The following SLC25A51 variants were observed in gnomAD, a reference collection of about 807,000 sequenced individuals.
The protein encoded by SLC25A51 is mitochondrial nicotinamide adenine dinucleotide transporter SLC25A51.
Under a neutral mutation model 19.1 loss-of-function variants are expected in SLC25A51, and 11 were observed. The observed-to-expected ratio is 0.58, with a 90% CI of 0.36 to 0.96. SLC25A51 has a LOEUF of 0.96. Ranked by LOEUF, SLC25A51 falls within the 40% of genes least tolerant of loss-of-function variation. The pLI, the probability that SLC25A51 is intolerant of heterozygous loss-of-function variation, is 0.01. For synonymous variants in SLC25A51, 105 were observed against 133.6 expected, an observed-to-expected ratio of 0.79 and a Z score of 1.47; for missense variants, 201 against 365.4, an observed-to-expected ratio of 0.55 and a Z score of 3.67.
downstream of SLC25A51, chr9:37,885,654 GA>G: frequency 1.0e-6 from 1 of 975,030 alleles, no homozygotes; most frequent in Non-Finnish European, 1.7e-6. Flanking sequence ...AGAAGACTCG[GA>G]ACCCCAAAGG....
chr9:37,895,470 G>T (rs1303683232), intron 2 of SLC25A51, among the ~76,000 whole-genome samples: 1 of 151,944 alleles, frequency 6.6e-6, no homozygotes, highest in Non-Finnish European at 1.5e-5. Context: ...AAAGTGCTGG[G>T]ATTGTAAGGA....
downstream of SLC25A51, chr9:37,887,573 TAAAA>T: frequency 1.2e-5 from 15 of 1,294,830 alleles, no homozygotes; most frequent in Non-Finnish European, 1.4e-5. Context: ...GGATTTCCTT[TAAAA>T]AAAAAAAAAA....
chr9:37,880,348 T>C (rs920213733), exon 4 of SLC25A51: 3 of 151,932 alleles, frequency 2.0e-5, no homozygotes, highest in African/African-American at 7.3e-5. Flanking sequence ...GAAGAATAGA[T>C]TGAAGGGAGA....
rs981559740 is a variant in SLC25A51, at chr9:37,898,981, CCTA to C, written c.-43+845_-43+847del. ...ATATTTAAGAGTACAGCCTCTGGAA[CCTA>C]CTAATTACCTACTTAAATCCTAGCT... On this transcript the variant is annotated intron_variant, in intron 2 of 2. Transcript: ENST00000242275. 4.9e-4 allele frequency among the ~76,000 whole-genome samples: 75 copies of C among 152,274 alleles called. 1 individual carries two copies. The highest frequency in any genetic ancestry group is 1.7e-3 in the African/African-American group (70 of 41,538).
chr9:37,886,420 T>A, downstream of SLC25A51: 1 of 1,557,418 alleles, frequency 6.4e-7, no homozygotes, highest in South Asian at 1.3e-5. Flanking sequence ...CTTCCTCTCC[T>A]GTCAATTCCA....
intron 2 of SLC25A51, among the ~76,000 whole-genome samples, chr9:37,889,758 G>A (rs1179892036): frequency 6.7e-6 from 1 of 148,324 alleles, no homozygotes; most frequent in East Asian, 2.0e-4. Context: ...GAAAATGATT[G>A]GAACTAAGCC....
chr9:37,894,239 A>G (rs944776847), intron 2 of SLC25A51, among the ~76,000 whole-genome samples: 10 of 152,240 alleles, frequency 6.6e-5, no homozygotes, highest in African/African-American at 1.9e-4. Context: ...TGGGTATACA[A>G]AAGATATACA....
chr9:37,900,684 TG>T (rs1831828169), intron 1 of SLC25A51, among the ~76,000 whole-genome samples: 1 of 150,802 alleles, frequency 6.6e-6, no homozygotes, highest in African/African-American at 2.4e-5. Context: ...CCCAAAGTGC[TG>T]GGATTTACAA....
downstream of SLC25A51, among the ~76,000 whole-genome samples, chr9:37,877,774 G>A (rs1375400405): frequency 1.3e-5 from 2 of 152,148 alleles, no homozygotes; most frequent in African/African-American, 4.8e-5. Flanking sequence ...TTGGGAGGCT[G>A]AGGTGGGTGG....
At chr9:37,885,622 C>T (rs912707801), downstream of SLC25A51, 50 of 778,558 alleles carry the variant, frequency 6.4e-5, no homozygotes, top group South Asian at 3.8e-4. Flanking sequence ...AACAATAATA[C>T]GGCGCCCAAC....
downstream of SLC25A51, chr9:37,885,622 C>A: frequency 1.3e-6 from 1 of 778,658 alleles, no homozygotes; most frequent in East Asian, 2.4e-5. Flanking sequence ...AACAATAATA[C>A]GGCGCCCAAC....
chr9:37,893,502 C>T (rs1267285392), intron 2 of SLC25A51, among the ~76,000 whole-genome samples: 2 of 152,208 alleles, frequency 1.3e-5, no homozygotes, highest in Admixed American at 6.5e-5. Context: ...ATCCAGAGAG[C>T]TGGGCAGTGT....
At chr9:37,887,573 T>TAA (rs371359761), downstream of SLC25A51, 23,367 of 1,280,372 alleles carry the variant, frequency 0.018, 2 homozygotes, top group South Asian at 0.021. Context: ...GGATTTCCTT[T>TAA]AAAAAAAAAA....
At chr9:37,892,742 T>TG (rs1420794256) in intron 2 of SLC25A51, among the ~76,000 whole-genome samples, 2 of 148,344 alleles carry the variant, frequency 1.3e-5, no homozygotes, top group African/African-American at 2.5e-5. Flanking sequence ...CCTGGTTAAT[T>TG]TTTTTTTTTT....
At position 37,899,262 on chromosome 9, in the gene SLC25A51, G is replaced by A. The variant is rs576955291; in HGVS notation, c.-43+567C>T. ...TATTTCTTGGTGATTACTCACTCTTGCAATATGTGGATAAATGCTACTTGG... is the reference window on the plus strand; with the variant it reads ...TATTTCTTGGTGATTACTCACTCTTACAATATGTGGATAAATGCTACTTGG... On this transcript the variant is annotated intron_variant, in intron 2 of 2. Coordinates refer to ENST00000242275, the MANE Select transcript of SLC25A51 (RefSeq NM_033412.4). Among the ~76,000 whole-genome samples the A allele has an allele frequency of 3.1e-4, 47 of 152,290 alleles. 2 individuals carry two copies. In the South Asian group the frequency reaches 9.3e-3, roughly 30 times the overall value.
exon 4 of SLC25A51, chr9:37,880,462 T>C (rs1346924352): frequency 6.6e-6 from 1 of 151,950 alleles, no homozygotes; most frequent in Non-Finnish European, 1.5e-5. Context: ...GATAAATAGA[T>C]TTAAGGCAGC....
At chr9:37,887,007 C>CAA (rs59930102), downstream of SLC25A51, among the ~76,000 whole-genome samples, 3 of 125,040 alleles carry the variant, frequency 2.4e-5, no homozygotes, top group Non-Finnish European at 3.4e-5. Flanking sequence ...ACTAAAAATA[C>CAA]AAAAAAAAAA....
intron 2 of SLC25A51, among the ~76,000 whole-genome samples, chr9:37,893,876 C>T (rs763331950): frequency 9.2e-5 from 14 of 152,296 alleles, no homozygotes; most frequent in Non-Finnish European, 1.3e-4. Context: ...CTGGCCTACT[C>T]GGGTCTCTTC....
downstream of SLC25A51, among the ~76,000 whole-genome samples, chr9:37,882,976 C>T (rs111863521): frequency 6.4e-3 from 974 of 152,192 alleles, 10 homozygotes; most frequent in African/African-American, 0.022. Context: ...CCTGGGTAGC[C>T]GGGATCACAG....
Sources: allele counts gnomAD v4.1 joint callset (sites outside exome capture counted in the v4.1 genomes callset), GRCh38; gene constraint gnomAD v4.1.1; transcripts MANE v1.5; gene names NCBI Gene and HGNC (gene_info 2026-07-23, HGNC 2026-07-21).